ABCA5: variants seen among roughly 807,000 people sequenced by gnomAD.
The protein encoded by ABCA5 is ATP binding cassette subfamily A member 5, also known as cholesterol transporter ABCA5.
Under a neutral mutation model 206.0 loss-of-function variants are expected in ABCA5, and 163 were observed. The observed-to-expected ratio is 0.79, with a 90% confidence interval of 0.70 to 0.90. The LOEUF is 0.90. ABCA5 is among the 40% of genes least tolerant of loss of function. ABCA5 has a pLI of 0.00. For synonymous variants in ABCA5, 609 were observed against 613.8 expected, an observed-to-expected ratio of 0.99 and a Z score of 0.11; for missense variants, 1,859 against 1,912.9, an observed-to-expected ratio of 0.97 and a Z score of 0.53.
chr17:69,251,467 C>T (rs188592212), intron 35 of ABCA5: 144 of 324,568 alleles, frequency 4.4e-4, no homozygotes, highest in African/African-American at 2.9e-3. Flanking sequence ...ATTTGTGTTA[C>T]ATAATTAATC....
chr17:69,254,410 G>A lies in ABCA5; in HGVS notation c.4149C>T (p.Asn1383=). Residue 1383 remains asparagine (N), a synonymous_variant, in exon 32 of 39, where the codon AAC becomes AAT. Transcript: ENST00000392676. ...LKCMGYCPQI[N]PLWPDTTLQE... is the part of the protein sequence containing the mutation. ...GCAATGTAGTATCTGGCCACAAAGGGTTTATCTGAGGACAGTAACCCATAC... is the reference window on the plus strand; with the variant it reads ...GCAATGTAGTATCTGGCCACAAAGGATTTATCTGAGGACAGTAACCCATAC... 6.2e-7 allele frequency: 1 copy of A among 1,613,640 alleles called. No individual in the cohort carries two copies. Among genetic ancestry groups the A allele is most frequent in the Non-Finnish European group, 8.5e-7 (1 of 1,179,776 alleles).
chr17:69,283,907 T>G, intron 18 of ABCA5, 46 bp downstream of exon 18: 1 of 1,557,450 alleles, frequency 6.4e-7, no homozygotes, highest in Non-Finnish European at 8.6e-7. Flanking sequence ...TTATTCACCA[T>G]CTGTCTGATT....
intron 19 of ABCA5, among the ~76,000 whole-genome samples, chr17:69,276,838 A>G (rs1394075350): frequency 1.3e-5 from 2 of 152,226 alleles, no homozygotes; most frequent in Admixed American, 6.5e-5. Context: ...TGATTTAAAT[A>G]AACATTTTTC....
At chr17:69,323,536 T>A (rs2075879681) in intron 1 of ABCA5, among the ~76,000 whole-genome samples, 1 of 152,242 alleles carries the variant, frequency 6.6e-6, no homozygotes, top group Admixed American at 6.5e-5. Flanking sequence ...AACATTGACA[T>A]GGAGCTGATT....
Position 69,256,302 on chromosome 17 carries a change from T to C in ABCA5, c.3732-19A>G, listed in dbSNP as rs200106072. The C allele has an allele frequency of 7.6e-5, 112 of 1,465,994 alleles. 1 individual carries two copies. In the Admixed American group the frequency reaches 2.4e-3, roughly 32 times the overall value. 90.8% of individuals were successfully genotyped at this position (1,465,994 alleles called of 1,614,324 possible). A position where few individuals can be genotyped will look rare whatever the true frequency, so the allele number is the denominator to read the frequency against. The stretch of plus-strand genomic sequence containing the variant: ...AAGGTTTCTACATATATATAATAAA[T>C]ATAAAAGACAGTAGGTTTTCAAATA... On this transcript the variant is annotated intron_variant, in intron 28 of 38. Transcript: ENST00000392676.
At chr17:69,316,710 T>C (rs2145047085) in intron 1 of ABCA5, among the ~76,000 whole-genome samples, 1 of 151,898 alleles carries the variant, frequency 6.6e-6, no homozygotes, top group African/African-American at 2.4e-5. Flanking sequence ...AGAAAATCCA[T>C]GCCTATACAC....
intron 1 of ABCA5, among the ~76,000 whole-genome samples, chr17:69,325,275 C>G (rs902926209): frequency 6.6e-6 from 1 of 150,988 alleles, no homozygotes; most frequent in African/African-American, 2.4e-5. Context: ...TGCCACTGCA[C>G]TTCATCCTGG....
At chr17:69,275,162 A>C (rs548288112) in intron 19 of ABCA5, among the ~76,000 whole-genome samples, 1 of 152,230 alleles carries the variant, frequency 6.6e-6, no homozygotes, top group Admixed American at 6.5e-5. Flanking sequence ...TTTTCACGTA[A>C]CAAGAAAAAT....
At chr17:69,279,234 C>T (rs2075364947) in intron 18 of ABCA5, among the ~76,000 whole-genome samples, 1 of 152,084 alleles carries the variant, frequency 6.6e-6, no homozygotes, top group South Asian at 2.1e-4. Flanking sequence ...CATTCCTATA[C>T]ACCAACAACA....
At chr17:69,261,376 A>G in intron 25 of ABCA5, 117 bp from the exon 26 acceptor site, 1 of 974,134 alleles carries the variant, frequency 1.0e-6, no homozygotes, top group Non-Finnish European at 1.5e-6. Flanking sequence ...ACAAGAGATG[A>G]TATTTAGCCA....
Position 69,306,928 on chromosome 17 carries a change from CT to C in ABCA5, c.584del (p.Lys195ArgfsTer17). 6.4e-7 allele frequency: 1 copy of C among 1,560,176 alleles called. No individual in the cohort carries two copies. Among genetic ancestry groups the C allele is most frequent in the Non-Finnish European group, 8.6e-7 (1 of 1,157,030 alleles). ...IQLKTNVSLW[K>X]ELESTKAVIM... ...TAACAGCTTTAGTTGACTCCAGCTC[CT>C]TCCAAAGAGAAACATTGGTCTTCAA... On this transcript the variant is annotated frameshift_variant, in exon 6 of 39. Transcript: ENST00000392676. LOFTEE classifies it high-confidence loss of function.
chr17:69,278,937 T>C (rs527288821), intron 18 of ABCA5, among the ~76,000 whole-genome samples: 2,553 of 151,208 alleles, frequency 0.017, 71 homozygotes, highest in African/African-American at 0.057. Flanking sequence ...TCATACTGAA[T>C]GGGCAAAAAC....
At chr17:69,281,682 A>G (rs1290118185) in intron 18 of ABCA5, among the ~76,000 whole-genome samples, 1 of 152,214 alleles carries the variant, frequency 6.6e-6, no homozygotes, top group African/African-American at 2.4e-5. Context: ...GCAACTTTAC[A>G]GTTAGCAATG....
chr17:69,321,310 T>C (rs979556810), intron 1 of ABCA5, among the ~76,000 whole-genome samples: 3 of 152,186 alleles, frequency 2.0e-5, no homozygotes, highest in Non-Finnish European at 4.4e-5. Flanking sequence ...ATGAAAGCGG[T>C]GTTCCTGACA....
At chr17:69,309,147 C>A in intron 4 of ABCA5, 115 bp downstream of exon 4, 1 of 737,262 alleles carries the variant, frequency 1.4e-6, no homozygotes, top group Non-Finnish European at 2.0e-6. Flanking sequence ...CCTATTGGAA[C>A]AAGTAAGAAT....
At chr17:69,251,226 C>A (rs1048299138) in intron 35 of ABCA5, 2 of 153,264 alleles carry the variant, frequency 1.3e-5, no homozygotes, top group Non-Finnish European at 2.9e-5. Flanking sequence ...CCAGCTTTCT[C>A]AACTGTAAAG....
intron 7 of ABCA5, chr17:69,304,263 CA>C (rs1199189114): frequency 6.6e-6 from 1 of 152,636 alleles, no homozygotes; most frequent in African/African-American, 2.4e-5. Flanking sequence ...AAATGAATAT[CA>C]AGACTGCTAA....
chr17:69,247,676 G>T, intron 38 of ABCA5, 32 bp from the exon 39 acceptor site: 1 of 1,305,636 alleles, frequency 7.7e-7, no homozygotes, highest in Non-Finnish European at 1.1e-6. Flanking sequence ...AATACAGTAT[G>T]CTGTATCTCA....
intron 21 of ABCA5, 75 bp downstream of exon 21, chr17:69,271,087 A>C (rs1172362986): frequency 1.3e-6 from 2 of 1,503,692 alleles, no homozygotes; most frequent in African/African-American, 2.9e-5. Context: ...AAATCAACAA[A>C]TAATTAATTT....
Sources: gnomAD v4.1 joint callset for allele counts (sites outside exome capture counted in the v4.1 genomes callset) on GRCh38, gnomAD v4.1.1 for gene constraint, MANE v1.5 for transcripts, NCBI Gene and HGNC (gene_info 2026-07-23, HGNC 2026-07-21) for gene names.